GPR155: variants seen among roughly 807,000 people sequenced by gnomAD.
GPR155 encodes lysosomal cholesterol signaling protein.
A neutral mutation model predicts 93.1 loss-of-function variants in GPR155; 65 were observed. The observed-to-expected ratio is 0.70, with a 90% CI of 0.57 to 0.86. The LOEUF (loss-of-function observed/expected upper bound fraction) is 0.86, where lower values mean the gene tolerates loss of function less well. Ranked by LOEUF, GPR155 falls within the 40% of genes least tolerant of loss-of-function variation. GPR155 has a pLI of 0.00. For synonymous variants in GPR155, 319 were observed against 360.1 expected (o/e 0.89, Z 1.29); for missense variants, 838 against 1,034.8 (o/e 0.81, Z 2.61).
intron 13 of GPR155, among the ~76,000 whole-genome samples, chr2:174,443,426 T>C (rs1450041743): frequency 1.3e-5 from 2 of 152,196 alleles, no homozygotes; most frequent in Admixed American, 6.5e-5. Flanking sequence ...TGGACTAATA[T>C]TCTGTAATGC....
At chr2:174,448,540 T>G (rs1038688530) in intron 11 of GPR155, among the ~76,000 whole-genome samples, 4 of 144,174 alleles carry the variant, frequency 2.8e-5, no homozygotes, top group African/African-American at 1.0e-4. Context: ...GTTTTTTTTT[T>G]TTTTTTTTGA....
chr2:174,473,080 C>T lies in GPR155; in HGVS notation c.745G>A (p.Gly249Arg). 6.2e-7 allele frequency: 1 copy of T among 1,600,464 alleles called. No individual in the cohort carries two copies. The highest frequency in any genetic ancestry group is 1.1e-5 in the South Asian group (1 of 87,406). The stretch of plus-strand genomic sequence containing the variant: ...AGGGCTGATCCAGAAAAAGAATTTC[C>T]AAGTCCATCAAGAAAATTTTCGACA... Reference protein sequence around the residue: ...VYVENFLDGLGNSFSGSALFY... With the variant: ...VYVENFLDGLRNSFSGSALFY... Residue 249 changes from glycine to arginine, a missense_variant, in exon 3 of 16, where the codon GGA (glycine) becomes AGA (arginine). By Grantham distance (125) the Gly-to-Arg change is moderately radical. Coordinates refer to ENST00000392552, the MANE Select transcript of GPR155 (RefSeq NM_152529.7).
chr2:174,481,767 C>T lies in GPR155; in HGVS notation c.190G>A (p.Val64Ile), dbSNP rs1205810400. ...CCTTTGGCCTGGGTTGATGTTATGA[C>T]ATTGGCCCTTCCTGCTATGTAGCCA... ...LCGYIAGRAN[V>I]ITSTQAKGLG... is the part of the protein sequence containing the mutation. The change falls in exon 2 of 16, where the codon GTC (valine) becomes ATC (isoleucine). Residue 64 changes from valine (V) to isoleucine (I), a missense_variant. By Grantham distance (29) the Val-to-Ile change is conservative. Around this residue, in one of 3 missense-constraint regions of GPR155, gnomAD observed 663 missense variants for 790.1 expected, o/e 0.84. Transcript: ENST00000392552. The T allele has an allele frequency of 3.7e-6, 6 of 1,614,082 alleles. No individual in the cohort carries two copies. Among genetic ancestry groups the T allele is most frequent in the South Asian group, 1.1e-5 (1 of 91,088 alleles).
At chr2:174,448,771 T>TAA (rs1687231851) in intron 11 of GPR155, among the ~76,000 whole-genome samples, 1 of 151,638 alleles carries the variant, frequency 6.6e-6, no homozygotes, top group Non-Finnish European at 1.5e-5. Context: ...TCTCCTGACC[T>TAA]CATGATCCAC....
chr2:174,484,214 A>T (rs1377838850), intron 1 of GPR155, among the ~76,000 whole-genome samples: 1 of 152,228 alleles, frequency 6.6e-6, no homozygotes, highest in African/African-American at 2.4e-5. Context: ...TACACTACTC[A>T]CATACTTGAA....
intron 2 of GPR155, among the ~76,000 whole-genome samples, chr2:174,474,488 C>T (rs1267820922): frequency 6.6e-6 from 1 of 152,142 alleles, no homozygotes; most frequent in African/African-American, 2.4e-5. Context: ...ACCATACCCT[C>T]TTGGGAAAAC....
intron 11 of GPR155, 78 bp downstream of exon 11, chr2:174,453,659 C>A (rs1338112727): frequency 9.0e-5 from 39 of 431,612 alleles, no homozygotes; most frequent in African/African-American, 1.2e-4. Flanking sequence ...GACTCCGTCT[C>A]AAAAAAAAGA....
chr2:174,436,871 A>G (rs1686802376), intron 15 of GPR155, among the ~76,000 whole-genome samples: 1 of 152,232 alleles, frequency 6.6e-6, no homozygotes, highest in Admixed American at 6.5e-5. Context: ...CTTTATTTTT[A>G]GCTCCATATA....
intron 11 of GPR155, among the ~76,000 whole-genome samples, chr2:174,450,415 C>T (rs1276788455): frequency 6.6e-6 from 1 of 152,088 alleles, no homozygotes; most frequent in Non-Finnish European, 1.5e-5. Flanking sequence ...TACCCCAAAC[C>T]TCAGCATCAC....
intron 2 of GPR155, among the ~76,000 whole-genome samples, chr2:174,479,479 T>C (rs143194853): frequency 0.037 from 5,664 of 152,332 alleles, 203 homozygotes; most frequent in Middle Eastern, 0.12. Flanking sequence ...TTGTATGACC[T>C]GGGATAAAAT....
At position 174,436,215 on chromosome 2, in the gene GPR155, A is replaced by G; in HGVS notation, c.2514T>C (p.Pro838=). The G allele has an allele frequency of 6.2e-7, 1 of 1,613,904 alleles. No individual in the cohort carries two copies. The highest frequency in any genetic ancestry group is 8.5e-7 in the Non-Finnish European group (1 of 1,179,742). Residue 838 remains proline (P), a synonymous_variant, in exon 16 of 16, where the codon CCT becomes CCC. Transcript: ENST00000392552. ...CATTAATAGCAGGAGGACTCTGTTC[A>G]GGACTCTTTTGAAGAAATCTGTAAA... The part of the protein sequence containing the change: ...YLFYRFLQKS[P]EQSPPAINAN...
At chr2:174,470,320 AT>A (rs1687956019) in intron 4 of GPR155, 69 bp downstream of exon 4, 2 of 1,218,996 alleles carry the variant, frequency 1.6e-6, no homozygotes, top group Non-Finnish European at 2.3e-6. Context: ...ATTTTAAAAA[AT>A]TTGAAATGAA....
chr2:174,466,439 A>G (rs1454648538), intron 6 of GPR155, 105 bp downstream of exon 6: 2 of 693,784 alleles, frequency 2.9e-6, no homozygotes, highest in Admixed American at 5.5e-5. Flanking sequence ...ATTTGGTAAT[A>G]CTTCTGACTT....
At position 174,432,038 on chromosome 2, in the gene GPR155, T is replaced by C. The variant is rs1457778656; in HGVS notation, c.*4078A>G. On this transcript the variant is annotated 3_prime_UTR_variant, in exon 16 of 16. Coordinates refer to ENST00000392552, the MANE Select transcript of GPR155 (RefSeq NM_152529.7). Reference sequence around the variant, plus strand: ...TACATATTGGAAATGATGAAATGTATGAAAAGGACTCAATGTCATATTGAC... The same window carrying C: ...TACATATTGGAAATGATGAAATGTACGAAAAGGACTCAATGTCATATTGAC... 1 of 152,212 alleles carries C rather than the reference T, an allele frequency of 6.6e-6. No individual in the cohort carries two copies. The highest frequency in any genetic ancestry group is 1.5e-5 in the Non-Finnish European group (1 of 68,028). The allele number at this position is 152,212 out of a possible 1,614,324, so 9.4% of individuals were successfully genotyped here.
intron 7 of GPR155, among the ~76,000 whole-genome samples, chr2:174,463,922 T>C (rs1687769851): frequency 6.6e-6 from 1 of 152,234 alleles, no homozygotes; most frequent in African/African-American, 2.4e-5. Flanking sequence ...ATTGGTTTTC[T>C]TTACCACTTT....
At position 174,469,023 on chromosome 2, in the gene GPR155, G is replaced by A. The variant is rs1687918169; in HGVS notation, c.1071C>T (p.Ile357=). 6.2e-7 allele frequency: 1 copy of A among 1,614,000 alleles called. No individual in the cohort carries two copies. Among genetic ancestry groups the A allele is most frequent in the Non-Finnish European group, 8.5e-7 (1 of 1,179,872 alleles). The change falls in exon 5 of 16, where the codon ATC becomes ATT. Residue 357 remains isoleucine (I), a synonymous_variant. Transcript: ENST00000392552. ...TCAGTAACCAGGCAGAAACGTACAT[G>A]ATGGGAGCAGACACAAATGTGCTTA... ...MVISTFVSAP[I]MYVSAWLLTF... is the part of the protein sequence containing the mutation.
chr2:174,465,488 C>T (rs1332447900), intron 7 of GPR155, among the ~76,000 whole-genome samples: 1 of 152,226 alleles, frequency 6.6e-6, no homozygotes, highest in Non-Finnish European at 1.5e-5. Flanking sequence ...CTCCATCTGC[C>T]TTCAGTATCT....
At position 174,483,310 on chromosome 2, in the gene GPR155, G is replaced by C. The variant is rs193252855; in HGVS notation, c.-31-1323C>G. ...TTTTTTTTGTTTTCTGAATGATAAA[G>C]TATTATAAGTTTTCCACTACAGCAA... is the stretch of plus-strand genomic sequence containing the variant. On this transcript the variant is annotated intron_variant, in intron 1 of 15. Coordinates refer to ENST00000392552, the MANE Select transcript of GPR155 (RefSeq NM_152529.7). Among the ~76,000 whole-genome samples the C allele has an allele frequency of 1.9e-3, 291 of 152,106 alleles. 1 individual carries two copies. Among genetic ancestry groups the C allele is most frequent in the African/African-American group, 6.7e-3 (277 of 41,480 alleles).
chr2:174,465,322 C>T (rs993212568), intron 7 of GPR155, among the ~76,000 whole-genome samples: 3 of 152,174 alleles, frequency 2.0e-5, no homozygotes, highest in Non-Finnish European at 2.9e-5. Context: ...CTCAAAGTAA[C>T]TCTGTAAGGT....
Sources: gnomAD v4.1 joint callset for allele counts (sites outside exome capture counted in the v4.1 genomes callset) on GRCh38, gnomAD v4.1.1 for gene constraint, gnomAD v4.1.1 regional missense constraint, MANE v1.5 for transcripts, NCBI Gene and HGNC (gene_info 2026-07-23, HGNC 2026-07-21) for gene names.